The following SLIT3 variants were observed in gnomAD, a reference collection of about 807,000 sequenced individuals.
SLIT3 encodes the protein slit guidance ligand 3.
Under a neutral mutation model 184.0 loss-of-function variants are expected in SLIT3, and 68 were observed. That is an observed-to-expected ratio of 0.37 (90% confidence interval 0.30 to 0.45). SLIT3 has a LOEUF of 0.45. Ranked by LOEUF, SLIT3 falls within the 20% of genes least tolerant of loss-of-function variation. The pLI is 1.00. For missense variants in SLIT3, 1,707 were observed against 2,026.0 expected (o/e 0.84, Z 3.02); for synonymous variants, 831 against 828.6 (o/e 1.00, Z -0.05).
intron 4 of SLIT3, among the ~76,000 whole-genome samples, chr5:169,002,356 GA>G (rs1420813807): frequency 5.8e-5 from 4 of 68,766 alleles, no homozygotes; most frequent in East Asian, 8.3e-4. Flanking sequence ...AAAAAAAAAA[GA>G]AAAAAAGAAA....
intron 10 of SLIT3, chr5:168,789,988 G>C: frequency 5.0e-6 from 1 of 200,200 alleles, no homozygotes; most frequent in Non-Finnish European, 1.0e-5. Flanking sequence ...CGACACAGAT[G>C]AAACAGGAAC....
At chr5:169,108,139 A>G (rs1231715532) in intron 4 of SLIT3, among the ~76,000 whole-genome samples, 1 of 152,212 alleles carries the variant, frequency 6.6e-6, no homozygotes, top group African/African-American at 2.4e-5. Flanking sequence ...AGCTACTCAA[A>G]AGTAGCACCC....
intron 4 of SLIT3, among the ~76,000 whole-genome samples, chr5:168,904,979 C>A (rs1760996833): frequency 6.6e-6 from 1 of 151,920 alleles, no homozygotes; most frequent in African/African-American, 2.4e-5. Flanking sequence ...CCAGCCTGGG[C>A]AACATAGTAA....
intron 3 of SLIT3, among the ~76,000 whole-genome samples, chr5:169,213,456 G>A (rs538605493): frequency 1.3e-5 from 2 of 152,276 alleles, no homozygotes; most frequent in African/African-American, 4.8e-5. Context: ...AACCAAAAAA[G>A]AGCCTGCATA....
At chr5:169,015,133 A>C (rs1271005114) in intron 4 of SLIT3, among the ~76,000 whole-genome samples, 1 of 151,904 alleles carries the variant, frequency 6.6e-6, no homozygotes, top group African/African-American at 2.4e-5. Context: ...ACCATCTATG[A>C]GTTGATATAT....
chr5:168,844,631 G>T lies in SLIT3; in HGVS notation c.510C>A (p.Ser170Arg), dbSNP rs769663567. 2 of 1,614,210 alleles carry T rather than the reference G, an allele frequency of 1.2e-6. No individual in the cohort carries two copies. Among genetic ancestry groups the T allele is most frequent in the Non-Finnish European group, 1.7e-6 (2 of 1,180,038 alleles). ...CTCGGAAGGCTCCATCTTCAATGCA[G>T]CTGATGTGGTTGTTGTCCAGTTGCC... ...KNLQLDNNHI[S>R]CIEDGAFRAL... The change falls in exon 6 of 36, where the codon AGC (serine) becomes AGA (arginine). Residue 170 changes from serine to arginine, a missense_variant. By Grantham distance (110) the Ser-to-Arg change is moderately radical. This residue lies in a region of SLIT3 where 1,307 missense variants were observed against 1,511.6 expected (regional missense o/e 0.86). Coordinates refer to ENST00000519560, the MANE Select transcript of SLIT3 (RefSeq NM_003062.4).
intron 6 of SLIT3, among the ~76,000 whole-genome samples, chr5:168,826,169 T>C (rs1011751036): frequency 1.3e-5 from 2 of 152,240 alleles, no homozygotes; most frequent in Non-Finnish European, 2.9e-5. Flanking sequence ...ATTAATGTAT[T>C]ACTACACTGA....
chr5:168,751,461 A>G (rs970922430), intron 18 of SLIT3, among the ~76,000 whole-genome samples: 1 of 152,202 alleles, frequency 6.6e-6, no homozygotes, highest in African/African-American at 2.4e-5. Flanking sequence ...ACCACATTCA[A>G]TCCTCATAAC....
intron 5 of SLIT3, among the ~76,000 whole-genome samples, chr5:168,856,766 C>CGT (rs372608852): frequency 0.18 from 24,064 of 132,466 alleles, 2,353 homozygotes; most frequent in Non-Finnish European, 0.22. Context: ...CTGAGTTCCT[C>CGT]GTGTGTGTGT....
At chr5:169,058,500 C>T (rs1232351522) in intron 4 of SLIT3, among the ~76,000 whole-genome samples, 1 of 152,176 alleles carries the variant, frequency 6.6e-6, no homozygotes, top group Non-Finnish European at 1.5e-5. Context: ...GAACAGGGGC[C>T]TGCTGCCTGA....
intron 4 of SLIT3, among the ~76,000 whole-genome samples, chr5:168,944,355 G>C (rs1385316834): frequency 6.6e-6 from 1 of 152,178 alleles, no homozygotes; most frequent in South Asian, 2.1e-4. Context: ...ACTCCTGGTA[G>C]ACAATCTGTC....
chr5:168,708,416 G>A (rs149287143), intron 25 of SLIT3: 12 of 399,076 alleles, frequency 3.0e-5, no homozygotes, highest in African/African-American at 4.1e-5. Flanking sequence ...GAAACCCCCT[G>A]TGTATCTTTT....
At chr5:168,744,504 G>A (rs1176044287) in intron 20 of SLIT3, among the ~76,000 whole-genome samples, 1 of 152,168 alleles carries the variant, frequency 6.6e-6, no homozygotes, top group Non-Finnish European at 1.5e-5. Flanking sequence ...AGATAGAGAG[G>A]AGAAGTCAAT....
chr5:169,264,049 T>C (rs1238097120), intron 1 of SLIT3, among the ~76,000 whole-genome samples: 1 of 149,982 alleles, frequency 6.7e-6, no homozygotes, highest in African/African-American at 2.4e-5. Context: ...TTATTCAATA[T>C]ACCTCCTACC....
At chr5:169,140,308 CAAAAAAAAAAA>C (rs10536624) in intron 4 of SLIT3, among the ~76,000 whole-genome samples, 31 of 42,050 alleles carry the variant, frequency 7.4e-4, no homozygotes, top group Non-Finnish European at 1.1e-3. Context: ...ACTAAAAATG[CAAAAAAAAAAA>C]AAAAAAAAAA....
chr5:169,082,570 CTA>C (rs61409565), intron 4 of SLIT3, among the ~76,000 whole-genome samples: 24,053 of 152,144 alleles, frequency 0.16, 2,080 homozygotes, highest in East Asian at 0.24. Flanking sequence ...GTACCTGTCT[CTA>C]TGTGTGTGTG....
At chr5:169,252,519 C>G (rs1382293444) in intron 1 of SLIT3, among the ~76,000 whole-genome samples, 1 of 152,200 alleles carries the variant, frequency 6.6e-6, no homozygotes, top group Non-Finnish European at 1.5e-5. Context: ...CTAAAATAAT[C>G]TAACAAGACT....
At chr5:168,751,164 G>C (rs981705071) in intron 18 of SLIT3, among the ~76,000 whole-genome samples, 2 of 151,932 alleles carry the variant, frequency 1.3e-5, no homozygotes, top group African/African-American at 4.8e-5. Context: ...GAGAGAGGGA[G>C]GGGACAGGCA....
intron 4 of SLIT3, among the ~76,000 whole-genome samples, chr5:168,969,214 A>G (rs10053858): frequency 0.064 from 9,688 of 152,280 alleles, 371 homozygotes; most frequent in African/African-American, 0.096. Flanking sequence ...CCACTGAGCC[A>G]ATTCCTCTAT....
Sources: allele counts gnomAD v4.1 joint callset (sites outside exome capture counted in the v4.1 genomes callset), GRCh38; gene constraint gnomAD v4.1.1; regional missense constraint gnomAD v4.1.1; transcripts MANE v1.5; gene names NCBI Gene and HGNC (gene_info 2026-07-23, HGNC 2026-07-21).